The following CDH13 variants were observed in gnomAD, a reference collection of about 807,000 sequenced individuals.
CDH13 encodes cadherin 13, also known as cadherin-13.
In CDH13, 24 loss-of-function variants were observed where a neutral mutation model predicts 63.8. That is an observed-to-expected ratio of 0.38 (90% CI 0.27 to 0.53). CDH13 has a LOEUF of 0.53. Among genes scored for constraint, CDH13 ranks in the 20% least tolerant of loss-of-function variants. The probability of loss-of-function intolerance (pLI) is 0.85; values close to 1 mark genes in which losing one functional copy is unlikely to be tolerated. For synonymous variants in CDH13, 503 were observed against 355.3 expected (o/e 1.42, Z -4.67); for missense variants, 1,049 against 903.1 (o/e 1.16, Z -2.07).
At chr16:83,577,003 C>G (rs867467945) in intron 7 of CDH13, among the ~76,000 whole-genome samples, 2 of 152,120 alleles carry the variant, frequency 1.3e-5, no homozygotes, top group South Asian at 4.2e-4. Context: ...AACTAAATAA[C>G]TAATAAGTCC....
intron 2 of CDH13, among the ~76,000 whole-genome samples, chr16:82,975,821 C>A (rs965808289): frequency 3.9e-5 from 6 of 152,070 alleles, no homozygotes; most frequent in Non-Finnish European, 8.8e-5. Flanking sequence ...TAACCATTGC[C>A]CTTGTCTATA....
intron 2 of CDH13, among the ~76,000 whole-genome samples, chr16:82,930,145 C>G (rs925261357): frequency 1.4e-5 from 2 of 143,882 alleles, no homozygotes; most frequent in Non-Finnish European, 3.0e-5. Flanking sequence ...CCCAATATAA[C>G]CTTTGTATTT....
intron 2 of CDH13, among the ~76,000 whole-genome samples, chr16:82,920,423 G>T (rs1345639252): frequency 6.6e-6 from 1 of 152,192 alleles, no homozygotes; most frequent in African/African-American, 2.4e-5. Flanking sequence ...TATGGGTCCT[G>T]TGCTCGTCCA....
At chr16:82,955,810 A>G (rs1905999985) in intron 2 of CDH13, among the ~76,000 whole-genome samples, 1 of 152,206 alleles carries the variant, frequency 6.6e-6, no homozygotes. Context: ...GCTCTGCTCT[A>G]AAATGTCACA....
chr16:82,672,551 A>T (rs184232757), intron 1 of CDH13, among the ~76,000 whole-genome samples: 1 of 151,290 alleles, frequency 6.6e-6, no homozygotes, highest in East Asian at 1.9e-4. Flanking sequence ...TCTTCCCTCC[A>T]CTCTTCTCTG....
rs73601067 is a variant in CDH13, at chr16:82,684,245, C to T, written c.45+57108C>T. ...TAGAGCTCAGATCTAGGATTCAGAA[C>T]GAAACGGTGACTGTGAGAGTAAACC... On this transcript the variant is annotated intron_variant, in intron 1 of 13. Coordinates refer to ENST00000567109, the MANE Select transcript of CDH13 (RefSeq NM_001257.5). 7.8e-4 allele frequency among the ~76,000 whole-genome samples: 119 copies of T among 152,274 alleles called. 1 individual carries two copies. The highest frequency in any genetic ancestry group is 2.7e-3 in the African/African-American group (112 of 41,558).
At chr16:83,406,460 T>A (rs564532626) in intron 6 of CDH13, among the ~76,000 whole-genome samples, 1 of 150,552 alleles carries the variant, frequency 6.6e-6, no homozygotes, top group African/African-American at 2.4e-5. Flanking sequence ...TTTCTCTTTT[T>A]CTCTCTCTCT....
At chr16:83,493,927 A>G (rs773013410) in intron 7 of CDH13, among the ~76,000 whole-genome samples, 48 of 152,340 alleles carry the variant, frequency 3.2e-4, no homozygotes, top group Non-Finnish European at 5.9e-4. Context: ...ATAAGAGCTG[A>G]GGAGCTACCA....
At chr16:83,286,494 A>G (rs545175742) in intron 5 of CDH13, among the ~76,000 whole-genome samples, 3 of 152,086 alleles carry the variant, frequency 2.0e-5, no homozygotes, top group African/African-American at 7.2e-5. Flanking sequence ...TATTCTTCAC[A>G]CCTGTAATCC....
Position 82,644,638 on chromosome 16 carries a change from G to C in CDH13, c.45+17501G>C, listed in dbSNP as rs117413676. Among the ~76,000 whole-genome samples, 1 of 152,150 alleles carries C rather than the reference G, an allele frequency of 6.6e-6. No individual in the cohort carries two copies. Among genetic ancestry groups the C allele is most frequent in the African/African-American group, 2.4e-5 (1 of 41,426 alleles). On this transcript the variant is annotated intron_variant, in intron 1 of 13. Transcript: ENST00000567109. This position sits in a 1 kb window ranked among gnomAD's most constrained non-coding sequence, Gnocchi z 5.7. ...CTTCATAGGTCTCCAGTCTGTAAAA[G>C]CAACCACGCTTTGGGCTGGGGCAGA...
rs77029926 is a variant in CDH13, at chr16:82,821,679, A to T, written c.46-36683A>T. 3.9e-4 allele frequency among the ~76,000 whole-genome samples: 59 copies of T among 152,364 alleles called. No individual in the cohort carries two copies. In the East Asian group the frequency reaches 6.5e-3, roughly 17 times the overall value. ...CATGAATCAATGACTTGAAAGAAGG[A>T]GAGTAATATTCCCTGACCTTAAACA... On this transcript the variant is annotated intron_variant, in intron 1 of 13. Coordinates refer to ENST00000567109, the MANE Select transcript of CDH13 (RefSeq NM_001257.5).
intron 10 of CDH13, among the ~76,000 whole-genome samples, chr16:83,699,733 C>A (rs1905930518): frequency 6.6e-6 from 1 of 152,198 alleles, no homozygotes; most frequent in Non-Finnish European, 1.5e-5. Flanking sequence ...ATGGAAAGGG[C>A]AGTTACATCA....
chr16:83,713,491 C>G (rs1270366253), intron 10 of CDH13, among the ~76,000 whole-genome samples: 1 of 150,546 alleles, frequency 6.6e-6, no homozygotes, highest in Non-Finnish European at 1.5e-5. Flanking sequence ...ATTTGCATCT[C>G]TCAACTTTTC....
At chr16:83,704,233 C>T (rs1906673321) in intron 10 of CDH13, among the ~76,000 whole-genome samples, 1 of 152,150 alleles carries the variant, frequency 6.6e-6, no homozygotes, top group Non-Finnish European at 1.5e-5. Flanking sequence ...AATGTCTTCT[C>T]TTAGGTGGGG....
intron 2 of CDH13, among the ~76,000 whole-genome samples, chr16:83,005,655 T>G (rs116442337): frequency 0.01 from 1,556 of 152,348 alleles, 24 homozygotes; most frequent in African/African-American, 0.036. Flanking sequence ...AGAAACAGTG[T>G]CAAATTCTCA....
intron 10 of CDH13, chr16:83,725,934 A>T (rs1398734275): frequency 6.6e-6 from 1 of 152,226 alleles, no homozygotes; most frequent in African/African-American, 2.4e-5. Flanking sequence ...GAGGACATAA[A>T]TCAATTCTCA....
At chr16:82,799,428 C>T (rs575413445) in intron 1 of CDH13, among the ~76,000 whole-genome samples, 1 of 152,328 alleles carries the variant, frequency 6.6e-6, no homozygotes, top group African/African-American at 2.4e-5. Context: ...ACCCTAATTT[C>T]TAGACATACT....
chr16:82,894,310 C>T (rs569792995), intron 2 of CDH13, among the ~76,000 whole-genome samples: 11 of 152,238 alleles, frequency 7.2e-5, no homozygotes, highest in African/African-American at 2.2e-4. Context: ...GAGTTCAGGC[C>T]CCAAGGCAAC....
intron 3 of CDH13, among the ~76,000 whole-genome samples, chr16:83,110,858 A>C (rs1171075683): frequency 6.6e-6 from 1 of 151,888 alleles, no homozygotes; most frequent in Non-Finnish European, 1.5e-5. Context: ...ATACCCCCAA[A>C]ACCCTGGGAC....
Sources: gnomAD v4.1 joint callset for allele counts (sites outside exome capture counted in the v4.1 genomes callset) on GRCh38, gnomAD v4.1.1 for gene constraint, Gnocchi (gnomAD v3.1) non-coding constraint, MANE v1.5 for transcripts, NCBI Gene and HGNC (gene_info 2026-07-23, HGNC 2026-07-21) for gene names.